ALK: variants seen among roughly 807,000 people sequenced by gnomAD.
ALK encodes the protein ALK receptor tyrosine kinase.
Under a neutral mutation model 163.1 loss-of-function variants are expected in ALK, and 74 were observed. The observed-to-expected ratio is 0.45, with a 90% CI of 0.38 to 0.55. ALK has a LOEUF of 0.55. Among genes scored for constraint, ALK ranks in the 20% least tolerant of loss-of-function variants. ALK has a pLI of 0.00. For synonymous variants in ALK, 960 were observed against 843.2 expected (o/e 1.14, Z -2.40); for missense variants, 2,063 against 2,105.3 (o/e 0.98, Z 0.39).
At chr2:29,345,163 G>A (rs1410267818) in intron 5 of ALK, among the ~76,000 whole-genome samples, 1 of 152,068 alleles carries the variant, frequency 6.6e-6, no homozygotes, top group Non-Finnish European at 1.5e-5. Flanking sequence ...GAAGTCCTAG[G>A]CAGGCAGATG....
In ALK at chr2:29,717,711, TAAAGA is replaced by T. The variant is rs769329123; in HGVS notation, c.668-19_668-15del. The T allele has an allele frequency of 6.2e-7, 1 of 1,613,974 alleles. No homozygotes were observed. The highest frequency in any genetic ancestry group is 2.2e-5 in the East Asian group (1 of 44,858). ...AGGAGCTATGACCTGGACATAAAAA[TAAAGA>T]AAACACTGATCCATGTGCTTGGGGT... On this transcript the variant is annotated splice_polypyrimidine_tract_variant and intron_variant, in intron 1 of 28. Coordinates refer to ENST00000389048, the MANE Select transcript of ALK (RefSeq NM_004304.5).
intron 1 of ALK, among the ~76,000 whole-genome samples, chr2:29,823,571 G>T (rs763496192): frequency 5.3e-5 from 8 of 152,146 alleles, no homozygotes; most frequent in Admixed American, 1.3e-4. Flanking sequence ...GAACTTGTTG[G>T]GAACTGCAGC....
intron 1 of ALK, among the ~76,000 whole-genome samples, chr2:29,824,693 C>A (rs185468383): frequency 1.6e-3 from 250 of 152,336 alleles, no homozygotes; most frequent in African/African-American, 5.7e-3. Flanking sequence ...TGTATTTACC[C>A]AATGCCTGTA....
chr2:29,302,053 T>C (rs986924277), intron 8 of ALK, among the ~76,000 whole-genome samples: 2 of 152,212 alleles, frequency 1.3e-5, no homozygotes, highest in Non-Finnish European at 2.9e-5. Context: ...AATGAATGAT[T>C]ACAAATGTTC....
chr2:29,656,047 AACAGAGGAGAC>A (rs1677175324), intron 3 of ALK, among the ~76,000 whole-genome samples: 1 of 152,186 alleles, frequency 6.6e-6, no homozygotes, highest in Admixed American at 6.5e-5. Context: ...AGTTTAAATA[AACAGAGGAGAC>A]ACTAGAACAT....
In ALK at chr2:29,275,211, C is replaced by A; in HGVS notation, c.1929G>T (p.Lys643Asn). Residue 643 changes from lysine to asparagine, a missense_variant, in exon 11 of 29, where the codon AAG becomes AAT. Lys to Asn is a moderately conservative substitution (Grantham distance 94). Transcript: ENST00000389048. ...DCYLTISGEDKILQNTAPKSR... is the reference protein window; with the variant it reads ...DCYLTISGEDNILQNTAPKSR... ...ATTTGGGTGCTGTATTCTGCAGGAT[C>A]TTGTCCTCTCCGCTAACTGCAATAG... 6.2e-7 allele frequency: 1 copy of A among 1,614,142 alleles called. No individual in the cohort carries two copies. The highest frequency in any genetic ancestry group is 8.5e-7 in the Non-Finnish European group (1 of 1,180,028).
intron 26 of ALK, among the ~76,000 whole-genome samples, chr2:29,200,806 T>C (rs372705446): frequency 1.5e-4 from 21 of 142,974 alleles, no homozygotes; most frequent in Middle Eastern, 3.7e-3. Flanking sequence ...TACATATATA[T>C]GTGTGTATAT....
chr2:29,502,858 G>T (rs1187645027), intron 4 of ALK, among the ~76,000 whole-genome samples: 1 of 152,196 alleles, frequency 6.6e-6, no homozygotes, highest in African/African-American at 2.4e-5. Context: ...GAATCATTCA[G>T]CCGTGATTAC....
intron 3 of ALK, among the ~76,000 whole-genome samples, chr2:29,671,684 T>C (rs978070542): frequency 8.6e-5 from 13 of 152,016 alleles, no homozygotes; most frequent in Non-Finnish European, 1.8e-4. Context: ...CTGATTCTCC[T>C]ACTACTTGCT....
At chr2:29,283,221 C>T (rs1665758278) in intron 9 of ALK, among the ~76,000 whole-genome samples, 1 of 152,184 alleles carries the variant, frequency 6.6e-6, no homozygotes, top group Admixed American at 6.5e-5. Flanking sequence ...TCTTGCATCC[C>T]TGGCCAATTT....
intron 3 of ALK, among the ~76,000 whole-genome samples, chr2:29,550,878 T>C (rs1044072232): frequency 6.6e-6 from 1 of 152,206 alleles, no homozygotes; most frequent in Admixed American, 6.5e-5. Context: ...TTTTTTCTCT[T>C]ATTCTTTCAC....
At chr2:29,401,982 T>G (rs1324644817) in intron 4 of ALK, among the ~76,000 whole-genome samples, 1 of 152,128 alleles carries the variant, frequency 6.6e-6, no homozygotes, top group Non-Finnish European at 1.5e-5. Flanking sequence ...CAGGGTATTG[T>G]TTCTGGGAGC....
chr2:29,202,570 CAA>C (rs1244865969), intron 26 of ALK, among the ~76,000 whole-genome samples: 6 of 152,234 alleles, frequency 3.9e-5, no homozygotes, highest in African/African-American at 1.4e-4. Context: ...CATTTTTAAA[CAA>C]TGCGTGAAAG....
chr2:29,701,463 C>T (rs574550598), intron 2 of ALK, among the ~76,000 whole-genome samples: 9 of 152,254 alleles, frequency 5.9e-5, no homozygotes, highest in Admixed American at 1.3e-4. Flanking sequence ...CTCAGGCCAC[C>T]GTGAGCTTTG....
intron 4 of ALK, among the ~76,000 whole-genome samples, chr2:29,482,231 G>A (rs1671679532): frequency 6.6e-6 from 1 of 152,204 alleles, no homozygotes; most frequent in African/African-American, 2.4e-5. Context: ...AAGCTGGTCA[G>A]GATGGGATAC....
intron 23 of ALK, among the ~76,000 whole-genome samples, chr2:29,216,603 T>G (rs1287284255): frequency 6.6e-6 from 1 of 152,074 alleles, no homozygotes; most frequent in Non-Finnish European, 1.5e-5. Flanking sequence ...GGGGGGTGTC[T>G]GGTGTGTACG....
chr2:29,671,717 G>T (rs1359769806), intron 3 of ALK, among the ~76,000 whole-genome samples: 5 of 151,934 alleles, frequency 3.3e-5, no homozygotes, highest in African/African-American at 1.2e-4. Flanking sequence ...ACTTCTCTGT[G>T]GTCCTGGGAC....
intron 11 of ALK, among the ~76,000 whole-genome samples, chr2:29,259,402 A>C (rs1362947279): frequency 6.6e-6 from 1 of 152,070 alleles, no homozygotes; most frequent in Non-Finnish European, 1.5e-5. Flanking sequence ...GTAAGTATTT[A>C]TATTTATTGC....
At chr2:29,707,448 G>A (rs1039478822) in intron 2 of ALK, among the ~76,000 whole-genome samples, 2 of 152,126 alleles carry the variant, frequency 1.3e-5, no homozygotes, top group Non-Finnish European at 2.9e-5. Flanking sequence ...ACAGAACAAG[G>A]GAGGCTCTTT....
Sources: gnomAD v4.1 joint callset for allele counts (sites outside exome capture counted in the v4.1 genomes callset) on GRCh38, gnomAD v4.1.1 for gene constraint, MANE v1.5 for transcripts, NCBI Gene and HGNC (gene_info 2026-07-23, HGNC 2026-07-21) for gene names.